Variants in MTDH observed in about 807,000 individuals in gnomAD.
MTDH encodes protein LYRIC.
In MTDH, 34 loss-of-function variants were observed where a neutral mutation model predicts 72.7. The ratio of observed to expected loss-of-function variants is 0.47; its 90% CI spans 0.36 to 0.62. The LOEUF is 0.62. Among genes scored for constraint, MTDH ranks in the 20% least tolerant of loss-of-function variants. The probability of loss-of-function intolerance (pLI) is 0.00; values close to 1 mark genes in which losing one functional copy is unlikely to be tolerated. For missense variants in MTDH, 677 were observed against 699.4 expected, an observed-to-expected ratio of 0.97 and a Z score of 0.36; for synonymous variants, 266 against 268.9, an observed-to-expected ratio of 0.99 and a Z score of 0.10.
chr8:97,673,678 G>C (rs1208871690), intron 2 of MTDH, among the ~76,000 whole-genome samples: 1 of 149,636 alleles, frequency 6.7e-6, no homozygotes, highest in Non-Finnish European at 1.5e-5. Flanking sequence ...GCGGGGAAGG[G>C]GGGGCACAGG....
chr8:97,708,583 T>G (rs1814475547), intron 8 of MTDH, among the ~76,000 whole-genome samples: 1 of 16,400 alleles, frequency 6.1e-5, no homozygotes, highest in Non-Finnish European at 1.0e-4. Flanking sequence ...TGCCAGGCCT[T>G]TTTTTTTTTT....
At chr8:97,679,667 T>C (rs1305472716) in intron 2 of MTDH, among the ~76,000 whole-genome samples, 4 of 152,238 alleles carry the variant, frequency 2.6e-5, no homozygotes, top group Non-Finnish European at 4.4e-5. Context: ...AAAATAGTTA[T>C]ATTTTACAAA....
chr8:97,655,235 A>G (rs536236858), intron 1 of MTDH, among the ~76,000 whole-genome samples: 2 of 152,316 alleles, frequency 1.3e-5, no homozygotes, highest in Middle Eastern at 3.4e-3. Flanking sequence ...TTTGTTTTGT[A>G]CTTTACTATA....
intron 2 of MTDH, among the ~76,000 whole-genome samples, chr8:97,662,509 G>A (rs1358307469): frequency 6.6e-6 from 1 of 151,862 alleles, no homozygotes; most frequent in Non-Finnish European, 1.5e-5. Flanking sequence ...CTGCTGGCTG[G>A]GTGTGGTGGC....
At chr8:97,685,798 T>C (rs570571391) in intron 2 of MTDH, among the ~76,000 whole-genome samples, 1 of 151,964 alleles carries the variant, frequency 6.6e-6, no homozygotes, top group East Asian at 1.9e-4. Context: ...AGTATATACA[T>C]AGCTGATCTC....
chr8:97,722,517 G>A (rs1041983132), intron 10 of MTDH, among the ~76,000 whole-genome samples: 4 of 152,240 alleles, frequency 2.6e-5, no homozygotes, highest in African/African-American at 4.8e-5. Context: ...CAGGAGAATC[G>A]TTTGAACCCG....
intron 10 of MTDH, among the ~76,000 whole-genome samples, chr8:97,722,475 G>A (rs1366273553): frequency 1.3e-5 from 2 of 152,060 alleles, no homozygotes; most frequent in South Asian, 2.1e-4. Context: ...GGTGGCACAC[G>A]CCTGTAGTCC....
At chr8:97,666,861 T>A (rs1258482742) in intron 2 of MTDH, among the ~76,000 whole-genome samples, 1 of 151,884 alleles carries the variant, frequency 6.6e-6, no homozygotes, top group African/African-American at 2.4e-5. Flanking sequence ...TACCCCCGGC[T>A]GATTTTTGTA....
chr8:97,682,955 CTAAA>C (rs1015406661), intron 2 of MTDH, among the ~76,000 whole-genome samples: 3 of 141,852 alleles, frequency 2.1e-5, no homozygotes, highest in Non-Finnish European at 3.0e-5. Flanking sequence ...TGTGGGGAGA[CTAAA>C]TAAGAGGTTA....
chr8:97,709,083 C>T (rs1814509662), intron 8 of MTDH, among the ~76,000 whole-genome samples: 1 of 151,494 alleles, frequency 6.6e-6, no homozygotes, highest in African/African-American at 2.4e-5. Flanking sequence ...CCCATCTACT[C>T]ATGAGGCTGA....
intron 8 of MTDH, among the ~76,000 whole-genome samples, chr8:97,711,009 A>G (rs1356147179): frequency 1.3e-5 from 2 of 149,810 alleles, no homozygotes; most frequent in Admixed American, 6.6e-5. Context: ...CAAAAAAATA[A>G]ATAGATAGAT....
At position 97,679,802 on chromosome 8, in the gene MTDH, G is replaced by A. The variant is rs1021157853; in HGVS notation, c.484-6866G>A. Among the ~76,000 whole-genome samples, 4 of 152,080 alleles carry A rather than the reference G, an allele frequency of 2.6e-5. No homozygotes were observed. The East Asian group carries it at 7.7e-4, about 29-fold the overall frequency. ...GCTTATTTAACCCGCTGTTACAAGAGTGATAGCAGACCCCTTTATCTGGCA... is the reference window on the plus strand; with the variant it reads ...GCTTATTTAACCCGCTGTTACAAGAATGATAGCAGACCCCTTTATCTGGCA... On this transcript the variant is annotated intron_variant, in intron 2 of 11. Coordinates refer to ENST00000336273, the MANE Select transcript of MTDH (RefSeq NM_178812.4).
At chr8:97,675,994 C>G (rs1387178130) in intron 2 of MTDH, among the ~76,000 whole-genome samples, 1 of 148,672 alleles carries the variant, frequency 6.7e-6, no homozygotes, top group Admixed American at 6.8e-5. Flanking sequence ...AGGCTGAGTG[C>G]AGTGGTACAA....
In MTDH at chr8:97,644,817, C is replaced by T; in HGVS notation, c.311C>T (p.Ala104Val). 1 of 1,576,896 alleles carries T rather than the reference C, an allele frequency of 6.3e-7. No individual in the cohort carries two copies. The highest frequency in any genetic ancestry group is 8.6e-7 in the Non-Finnish European group (1 of 1,168,432). ...AVPAAAPDDL[A>V]LLKNLRSEEQ... ...CCGGCCGCGGCCCCCGACGACCTGG[C>T]CTTGCTGAAGAATCTCCGGAGCGAG... Residue 104 changes from alanine to valine, a missense_variant, in exon 1 of 12, where the codon GCC becomes GTC. Ala to Val is a moderately conservative substitution (Grantham distance 64). This residue lies in a region of MTDH where 467 missense variants were observed against 469.1 expected (regional missense o/e 1.00). Coordinates refer to ENST00000336273, the MANE Select transcript of MTDH (RefSeq NM_178812.4).
chr8:97,670,464 A>G (rs1187482668), intron 2 of MTDH, among the ~76,000 whole-genome samples: 25 of 152,086 alleles, frequency 1.6e-4, no homozygotes, highest in Admixed American at 1.6e-3. Flanking sequence ...TAAAAATACA[A>G]AAAGAAAATT....
chr8:97,724,478 A>T, intron 11 of MTDH, 122 bp from the exon 12 acceptor site: 1 of 656,710 alleles, frequency 1.5e-6, no homozygotes, highest in Non-Finnish European at 2.5e-6. Flanking sequence ...TTGAAAACTT[A>T]AACATAAAAT....
chr8:97,696,181 A>G (rs955548056), intron 6 of MTDH: 19 of 928,252 alleles, frequency 2.0e-5, no homozygotes, highest in Non-Finnish European at 1.0e-5. Flanking sequence ...GAAGGTTCCA[A>G]GTGATGTTTT....
At chr8:97,670,920 C>G (rs1358436070) in intron 2 of MTDH, among the ~76,000 whole-genome samples, 1 of 146,228 alleles carries the variant, frequency 6.8e-6, no homozygotes, top group East Asian at 2.0e-4. Flanking sequence ...CCACGCCTGG[C>G]TAATTTTTTT....
chr8:97,700,587 G>T (rs1814076935), intron 7 of MTDH, among the ~76,000 whole-genome samples: 1 of 152,170 alleles, frequency 6.6e-6, no homozygotes, highest in Non-Finnish European at 1.5e-5. Context: ...TAGGTGTTCG[G>T]TGGTAATAAT....
Sources: gnomAD v4.1 joint callset for allele counts (sites outside exome capture counted in the v4.1 genomes callset) on GRCh38, gnomAD v4.1.1 for gene constraint, gnomAD v4.1.1 regional missense constraint, MANE v1.5 for transcripts, NCBI Gene and HGNC (gene_info 2026-07-23, HGNC 2026-07-21) for gene names.